Variants in GRID2 observed in about 807,000 individuals in gnomAD.
GRID2 encodes the protein glutamate ionotropic receptor delta type subunit 2, also known as glutamate receptor ionotropic, delta-2.
A neutral mutation model predicts 114.8 loss-of-function variants in GRID2; 33 were observed. That is an observed-to-expected ratio of 0.29 (90% CI 0.22 to 0.38). The LOEUF (loss-of-function observed/expected upper bound fraction) is 0.38. Among genes scored for constraint, GRID2 ranks in the 10% least tolerant of loss-of-function variants. The pLI, the probability that GRID2 is intolerant of heterozygous loss-of-function variation, is 1.00. For missense variants in GRID2, 1,184 were observed against 1,257.7 expected (o/e 0.94, Z 0.89); for synonymous variants, 505 against 449.9 (o/e 1.12, Z -1.55).
At chr4:93,003,134 A>G (rs1030703760) in intron 2 of GRID2, among the ~76,000 whole-genome samples, 21 of 151,930 alleles carry the variant, frequency 1.4e-4, no homozygotes, top group African/African-American at 3.4e-4. Flanking sequence ...CCATAGGTCC[A>G]AGATGTTAGC....
At position 92,938,551 on chromosome 4, in the gene GRID2, A is replaced by T. The variant is rs1474908077; in HGVS notation, c.245-146444A>T. On this transcript the variant is annotated intron_variant, in intron 2 of 15. Transcript: ENST00000282020. ...ATGTAATATTAAGATTAGTGGGAGGATTAATGTCAATATTTCTTTTTTTTT... is the reference window on the plus strand; with the variant it reads ...ATGTAATATTAAGATTAGTGGGAGGTTTAATGTCAATATTTCTTTTTTTTT... Among the ~76,000 whole-genome samples the T allele has an allele frequency of 8.3e-5, 12 of 144,846 alleles. 2 individuals carry two copies. In the Admixed American group the frequency reaches 9.1e-4, roughly 11 times the overall value.
intron 9 of GRID2, among the ~76,000 whole-genome samples, chr4:93,410,530 G>GTCC (rs1767009138): frequency 6.6e-6 from 1 of 152,100 alleles, no homozygotes; most frequent in African/African-American, 2.4e-5. Context: ...CAGAAGCCCT[G>GTCC]TCCTCTCTTG....
chr4:93,358,163 G>A (rs749795075), intron 8 of GRID2, among the ~76,000 whole-genome samples: 17 of 151,462 alleles, frequency 1.1e-4, no homozygotes, highest in Non-Finnish European at 1.9e-4. Flanking sequence ...CACTAACCTG[G>A]GTATTCCAGA....
rs978649136 is a variant in GRID2 at position 93,773,175 on chromosome 4, T to G, written c.*677T>G. The G allele has an allele frequency of 2.0e-5, 3 of 152,184 alleles. No homozygotes were observed. The highest frequency in any genetic ancestry group is 6.5e-5 in the Admixed American group (1 of 15,276). The allele number at this position is 152,184 out of a possible 1,614,324, so 9.4% of individuals were successfully genotyped here. On this transcript the variant is annotated 3_prime_UTR_variant, in exon 16 of 16. Transcript: ENST00000282020. ...AGTTTTTTCTTATGTACAGTAAACT[T>G]TATCATATGGCAGAAGCCTCTATTG...
chr4:93,178,289 A>T (rs1739541793), intron 4 of GRID2, among the ~76,000 whole-genome samples: 1 of 150,936 alleles, frequency 6.6e-6, no homozygotes, highest in Admixed American at 6.6e-5. Context: ...CCAGATACTT[A>T]GAGTCCTCAT....
chr4:93,242,805 G>C (rs1318990140), intron 8 of GRID2, among the ~76,000 whole-genome samples: 1 of 151,972 alleles, frequency 6.6e-6, no homozygotes, highest in African/African-American at 2.4e-5. Context: ...GCTTCATTTA[G>C]CCTTCTAAAA....
At chr4:93,658,544 T>C (rs1337719837) in intron 14 of GRID2, among the ~76,000 whole-genome samples, 1 of 152,160 alleles carries the variant, frequency 6.6e-6, no homozygotes. Flanking sequence ...CTTAAGTAGC[T>C]TACCCAAGAT....
intron 1 of GRID2, among the ~76,000 whole-genome samples, chr4:92,305,206 A>C (rs1725314308): frequency 6.6e-6 from 1 of 152,138 alleles, no homozygotes; most frequent in Admixed American, 6.5e-5. Flanking sequence ...TTCGGATCGA[A>C]CAGGTGGTTT....
At chr4:93,382,691 C>T (rs1763971621) in intron 8 of GRID2, among the ~76,000 whole-genome samples, 1 of 151,674 alleles carries the variant, frequency 6.6e-6, no homozygotes, top group Non-Finnish European at 1.5e-5. Context: ...TGTTTTATTA[C>T]AGTTGTCCAG....
At chr4:93,023,489 T>C (rs1032042275) in intron 2 of GRID2, among the ~76,000 whole-genome samples, 1 of 151,926 alleles carries the variant, frequency 6.6e-6, no homozygotes, top group Non-Finnish European at 1.5e-5. Context: ...AAAACACTTT[T>C]TGACAGCACA....
At chr4:92,420,212 A>G (rs1172920022) in intron 1 of GRID2, among the ~76,000 whole-genome samples, 1 of 152,162 alleles carries the variant, frequency 6.6e-6, no homozygotes, top group East Asian at 1.9e-4. Flanking sequence ...GAGCATGTAT[A>G]ATACTAAACT....
intron 4 of GRID2, among the ~76,000 whole-genome samples, chr4:93,125,348 G>GAAAA (rs1463122733): frequency 6.6e-6 from 1 of 151,700 alleles, no homozygotes. Flanking sequence ...TAGAAGTTTT[G>GAAAA]AAAAAGCAAA....
intron 1 of GRID2, among the ~76,000 whole-genome samples, chr4:92,486,547 TCACACACA>T (rs72216440): frequency 0.03 from 4,058 of 137,138 alleles, 174 homozygotes; most frequent in African/African-American, 0.098. Context: ...TCTCTCTCTT[TCACACACA>T]CACACACACA....
At chr4:92,476,512 G>A (rs957387913) in intron 1 of GRID2, among the ~76,000 whole-genome samples, 3 of 151,996 alleles carry the variant, frequency 2.0e-5, no homozygotes, top group African/African-American at 4.8e-5. Context: ...TTGAATGATG[G>A]CATTTTGAGT....
chr4:93,770,465 G>A lies in GRID2; in HGVS notation c.2601+1015G>A, dbSNP rs111433638. 8.8e-3 allele frequency among the ~76,000 whole-genome samples: 1,330 copies of A among 151,998 alleles called. 21 individuals are homozygous for A. The highest frequency in any genetic ancestry group is 0.031 in the African/African-American group (1,284 of 41,490). On this transcript the variant is annotated intron_variant, in intron 15 of 15. Transcript: ENST00000282020. ...ACATTAATGTGTTTTTTTCAAACAG[G>A]GTGATTTCAAAAGTAGTGTAAGGAT...
At chr4:92,743,135 G>C (rs907601260) in intron 2 of GRID2, among the ~76,000 whole-genome samples, 21 of 152,172 alleles carry the variant, frequency 1.4e-4, no homozygotes, top group African/African-American at 4.8e-4. Flanking sequence ...AAATTACCCT[G>C]GTATGATAGT....
chr4:92,977,819 T>C (rs1753964977), intron 2 of GRID2, among the ~76,000 whole-genome samples: 1 of 152,110 alleles, frequency 6.6e-6, no homozygotes, highest in African/African-American at 2.4e-5. Flanking sequence ...ATATTTCTAG[T>C]CTGAGCAATT....
At chr4:92,720,519 C>T (rs969533559) in intron 2 of GRID2, among the ~76,000 whole-genome samples, 7 of 151,752 alleles carry the variant, frequency 4.6e-5, no homozygotes, top group Non-Finnish European at 7.4e-5. Context: ...AAGCTCTTTG[C>T]GAGACTCCAT....
At chr4:93,437,448 TACTC>T (rs2149387386) in intron 10 of GRID2, among the ~76,000 whole-genome samples, 2 of 152,154 alleles carry the variant, frequency 1.3e-5, no homozygotes, top group African/African-American at 4.8e-5. Flanking sequence ...AGAAAAACAA[TACTC>T]AAACAGTTCA....
Sources: gnomAD v4.1 joint callset for allele counts (sites outside exome capture counted in the v4.1 genomes callset) on GRCh38, gnomAD v4.1.1 for gene constraint, MANE v1.5 for transcripts, NCBI Gene and HGNC (gene_info 2026-07-23, HGNC 2026-07-21) for gene names.